Variants in CUL5 observed in about 807,000 individuals in gnomAD.
CUL5 encodes cullin 5, also known as cullin-5.
A neutral mutation model predicts 108.8 loss-of-function variants in CUL5; 26 were observed. The observed-to-expected ratio is 0.24, with a 90% CI of 0.18 to 0.33. CUL5 has a LOEUF of 0.33. Ranked by LOEUF, CUL5 falls within the 10% of genes least tolerant of loss-of-function variation. CUL5 has a pLI of 1.00. For synonymous variants in CUL5, 334 were observed against 298.0 expected, an observed-to-expected ratio of 1.12 and a Z score of -1.25; for missense variants, 524 against 909.2, an observed-to-expected ratio of 0.58 and a Z score of 5.45.
intron 16 of CUL5, 65 bp downstream of exon 16, chr11:108,095,756 C>A: frequency 1.5e-6 from 2 of 1,341,070 alleles, no homozygotes; most frequent in South Asian, 1.3e-5. Flanking sequence ...ATATGATTGG[C>A]TTGTAATATA....
chr11:108,024,194 C>T (rs1372178685), intron 1 of CUL5, among the ~76,000 whole-genome samples: 2 of 152,186 alleles, frequency 1.3e-5, no homozygotes, highest in Non-Finnish European at 2.9e-5. Flanking sequence ...TCCTGCCCTG[C>T]CACTTACTGC....
In CUL5 at chr11:108,095,510, ATC is replaced by A; in HGVS notation, c.1744-18_1744-17del. The stretch of plus-strand genomic sequence containing the variant: ...ATCATCATGAGATTCTTTATTAAAA[ATC>A]TGTTTTATCTATTATAGATAACATT... On this transcript the variant is annotated intron_variant, in intron 15 of 18. Coordinates refer to ENST00000393094, the MANE Select transcript of CUL5 (RefSeq NM_003478.6). 6.8e-7 allele frequency: 1 copy of A among 1,463,524 alleles called. No homozygotes were observed. The highest frequency in any genetic ancestry group is 9.4e-7 in the Non-Finnish European group (1 of 1,067,898). 90.7% of individuals were successfully genotyped at this position (1,463,524 alleles called of 1,614,324 possible).
intron 11 of CUL5, among the ~76,000 whole-genome samples, chr11:108,082,123 G>C (rs1490489310): frequency 6.6e-6 from 1 of 152,062 alleles, no homozygotes; most frequent in East Asian, 1.9e-4. Flanking sequence ...ACAGCTTTCA[G>C]TGTACAAGTC....
At chr11:108,065,159 G>A (rs1405785387) in intron 7 of CUL5, among the ~76,000 whole-genome samples, 1 of 151,942 alleles carries the variant, frequency 6.6e-6, no homozygotes, top group East Asian at 1.9e-4. Context: ...CCAAGTAGCT[G>A]GGACTACAGG....
chr11:108,046,678 CT>C (rs200639536), intron 3 of CUL5, among the ~76,000 whole-genome samples: 6 of 151,630 alleles, frequency 4.0e-5, no homozygotes, highest in African/African-American at 1.2e-4. Flanking sequence ...CCACACAGAT[CT>C]TTTTTTTTCT....
Position 108,089,437 on chromosome 11 carries a change from T to A in CUL5, c.1312-55T>A, listed in dbSNP as rs1471573689. The A allele has an allele frequency of 2.2e-6, 3 of 1,366,246 alleles. No homozygotes were observed. In the African/African-American group the frequency reaches 4.5e-5, roughly 21 times the overall value. 84.6% of individuals were successfully genotyped at this position (1,366,246 alleles called of 1,614,324 possible). A position where few individuals can be genotyped will look rare whatever the true frequency, so the allele number is the denominator to read the frequency against. ...ATTGGTGGATATAGAAAGGTCTAAA[T>A]TCGAGAGATGGTAAGAGTATATAAG... On this transcript the variant is annotated intron_variant, in intron 12 of 18. Coordinates refer to ENST00000393094, the MANE Select transcript of CUL5 (RefSeq NM_003478.6).
At chr11:108,044,537 T>C (rs1457587875) in intron 2 of CUL5, among the ~76,000 whole-genome samples, 1 of 151,678 alleles carries the variant, frequency 6.6e-6, no homozygotes, top group Non-Finnish European at 1.5e-5. Flanking sequence ...TATAAAACAA[T>C]TTGATTATTG....
At chr11:108,096,781 G>A (rs111494631) in intron 16 of CUL5, among the ~76,000 whole-genome samples, 20,440 of 151,746 alleles carry the variant, frequency 0.13, 1,488 homozygotes, top group African/African-American at 0.19. Flanking sequence ...GGTCAGGCTA[G>A]TCTCAAACTC....
Position 108,097,768 on chromosome 11 carries a change from T to C in CUL5, c.2024+14T>C. On this transcript the variant is annotated intron_variant, in intron 17 of 18. Transcript: ENST00000393094. ...GTTCAGTTTAATGTAAGCTCGTTAG[T>C]TGATCTAAAATAAAAACACCTTGTT... The C allele has an allele frequency of 5.0e-6, 7 of 1,410,300 alleles. No individual in the cohort carries two copies. The Admixed American group carries it at 5.7e-5, about 11-fold the overall frequency. 87.4% of individuals were successfully genotyped at this position (1,410,300 alleles called of 1,614,324 possible). A position where few individuals can be genotyped will look rare whatever the true frequency, so the allele number is the denominator to read the frequency against.
chr11:108,051,373 C>T (rs1009131209), intron 4 of CUL5, among the ~76,000 whole-genome samples: 1 of 152,134 alleles, frequency 6.6e-6, no homozygotes, highest in Admixed American at 6.5e-5. Flanking sequence ...CTCAGTGTTG[C>T]CACTGATGAG....
Position 108,104,628 on chromosome 11 carries a change from C to T in CUL5, c.*244C>T. On this transcript the variant is annotated 3_prime_UTR_variant, in exon 19 of 19. Transcript: ENST00000393094. ...TGGAGAAACTTGCATTCATGAAGAGCCCATTATCAACTTTTAAAAGTGAAT... is the reference window on the plus strand; with the variant it reads ...TGGAGAAACTTGCATTCATGAAGAGTCCATTATCAACTTTTAAAAGTGAAT... 1 of 299,450 alleles carries T rather than the reference C, an allele frequency of 3.3e-6. No individual in the cohort carries two copies. Among genetic ancestry groups the T allele is most frequent in the Non-Finnish European group, 6.1e-6 (1 of 164,746 alleles). 18.5% of individuals were successfully genotyped at this position (299,450 alleles called of 1,614,324 possible). A position where few individuals can be genotyped will look rare whatever the true frequency, so the allele number is the denominator to read the frequency against.
intron 7 of CUL5, among the ~76,000 whole-genome samples, chr11:108,062,728 G>A (rs1055830980): frequency 2.6e-5 from 4 of 151,928 alleles, no homozygotes; most frequent in African/African-American, 4.8e-5. Context: ...TTGTGTTACA[G>A]ACAATCCAAT....
intron 3 of CUL5, among the ~76,000 whole-genome samples, chr11:108,048,492 CAAG>C (rs745819667): frequency 2.0e-5 from 3 of 152,002 alleles, no homozygotes; most frequent in Middle Eastern, 3.2e-3. Context: ...TTGTCATTCT[CAAG>C]GAGACCAGCC....
chr11:108,029,993 T>G (rs968956723), intron 1 of CUL5, among the ~76,000 whole-genome samples: 1 of 152,250 alleles, frequency 6.6e-6, no homozygotes, highest in Non-Finnish European at 1.5e-5. Flanking sequence ...AGGTATTCTT[T>G]TTTCCATGTC....
At chr11:108,070,712 T>C (rs960261880) in intron 8 of CUL5, among the ~76,000 whole-genome samples, 1 of 152,136 alleles carries the variant, frequency 6.6e-6, no homozygotes, top group Non-Finnish European at 1.5e-5. Flanking sequence ...ATTGTACATA[T>C]ACCTACTACC....
chr11:108,099,396 G>C (rs939403177), intron 18 of CUL5, among the ~76,000 whole-genome samples: 2 of 152,130 alleles, frequency 1.3e-5, no homozygotes, highest in Non-Finnish European at 2.9e-5. Context: ...GCAGAGAAAA[G>C]ATGAATGAAT....
chr11:108,038,270 A>G (rs1862796493), intron 2 of CUL5, among the ~76,000 whole-genome samples: 1 of 152,196 alleles, frequency 6.6e-6, no homozygotes, highest in Admixed American at 6.5e-5. Context: ...TATTGAGAAT[A>G]GTGCTTGTTC....
Position 108,104,355 on chromosome 11 carries a change from G to C in CUL5, c.2314G>C (p.Asp772His). 6.4e-7 allele frequency: 1 copy of C among 1,568,232 alleles called. No individual in the cohort carries two copies. Among genetic ancestry groups the C allele is most frequent in the Non-Finnish European group, 8.6e-7 (1 of 1,163,938 alleles). ...CAAATACATCAGAAGAGATGAATCT[G>C]ATATCAACACTTTCATATATATGGC... ...EHKYIRRDES[D>H]INTFIYMA The change falls in exon 19 of 19, where the codon GAT becomes CAT. Residue 772 changes from aspartate (D) to histidine (H), a missense_variant. Around this residue, in one of 8 missense-constraint regions of CUL5, gnomAD observed 22 missense variants for 70.5 expected, o/e 0.31. Coordinates refer to ENST00000393094, the MANE Select transcript of CUL5 (RefSeq NM_003478.6).
chr11:108,080,388 C>G (rs1372778221), intron 11 of CUL5, among the ~76,000 whole-genome samples: 1 of 151,960 alleles, frequency 6.6e-6, no homozygotes, highest in Admixed American at 6.6e-5. Flanking sequence ...CATGCCCAGG[C>G]CTTTTGCCCA....
Sources: gnomAD v4.1 joint callset for allele counts (sites outside exome capture counted in the v4.1 genomes callset) on GRCh38, gnomAD v4.1.1 for gene constraint, gnomAD v4.1.1 regional missense constraint, MANE v1.5 for transcripts, NCBI Gene and HGNC (gene_info 2026-07-23, HGNC 2026-07-21) for gene names.